NFASC: variants seen among roughly 807,000 people sequenced by gnomAD.
NFASC encodes the protein neurofascin, also known as neurofascin homolog.
Under a neutral mutation model 147.5 loss-of-function variants are expected in NFASC, and 43 were observed. The observed-to-expected ratio is 0.29, with a 90% CI of 0.23 to 0.38. The LOEUF is 0.38. NFASC is among the 10% of genes least tolerant of loss of function. NFASC has a pLI of 1.00. For synonymous variants in NFASC, 622 were observed against 665.5 expected (o/e 0.93, Z 1.01); for missense variants, 1,320 against 1,689.0 (o/e 0.78, Z 3.83).
intron 8 of NFASC, chr1:204,967,708 T>C (rs2095040099): frequency 6.6e-6 from 1 of 152,502 alleles, no homozygotes; most frequent in Non-Finnish European, 1.5e-5. Flanking sequence ...ATGTCTTTGC[T>C]AAGCCATTAA....
At chr1:204,854,389 C>T (rs1454593663) in intron 1 of NFASC, among the ~76,000 whole-genome samples, 1 of 152,150 alleles carries the variant, frequency 6.6e-6, no homozygotes, top group Non-Finnish European at 1.5e-5. Flanking sequence ...TTCCCCCACC[C>T]TCCTGACCTG....
At chr1:205,005,379 G>A (rs763899739) in intron 27 of NFASC, among the ~76,000 whole-genome samples, 1 of 152,082 alleles carries the variant, frequency 6.6e-6, no homozygotes, top group South Asian at 2.1e-4. Flanking sequence ...TGTATTGCCC[G>A]CTTCTGAGTG....
At chr1:204,972,925 CTCACAG>C (rs2095301154) in intron 11 of NFASC, among the ~76,000 whole-genome samples, 1 of 152,210 alleles carries the variant, frequency 6.6e-6, no homozygotes, top group African/African-American at 2.4e-5. Flanking sequence ...GAAACTGAAG[CTCACAG>C]AGATTGAATG....
chr1:204,918,176 C>A (rs953871647), intron 1 of NFASC, among the ~76,000 whole-genome samples: 1 of 152,136 alleles, frequency 6.6e-6, no homozygotes, highest in African/African-American at 2.4e-5. Flanking sequence ...TATTATAGTA[C>A]CATCAATAAT....
At chr1:204,978,882 C>G (rs1017927634) in intron 17 of NFASC, 86 bp from the exon 18 acceptor site, 12 of 1,067,148 alleles carry the variant, frequency 1.1e-5, no homozygotes, top group Non-Finnish European at 8.1e-6. Context: ...GAAGACAGCC[C>G]GTCAGGGAGC....
chr1:204,924,293 C>T (rs2091098044), intron 2 of NFASC, among the ~76,000 whole-genome samples: 1 of 152,206 alleles, frequency 6.6e-6, no homozygotes, highest in Non-Finnish European at 1.5e-5. Context: ...CAGAAGGCTG[C>T]AGGGAGGGAG....
At position 204,987,839 on chromosome 1, in the gene NFASC, G is replaced by A. The variant is rs553720710; in HGVS notation, c.2593+299G>A. ...AGGGATCTTTTGTAGTCTCCAACAC[G>A]TACAGAGTCTAGGAGAGAGAGTTCC... is the stretch of plus-strand genomic sequence containing the variant. On this transcript the variant is annotated intron_variant, in intron 22 of 29. Transcript: ENST00000339876. The surrounding 1 kb of genome is among the most constrained non-coding windows in gnomAD (Gnocchi z 4.4). 9.8e-5 allele frequency among the ~76,000 whole-genome samples: 15 copies of A among 152,316 alleles called. No individual in the cohort carries two copies. Among genetic ancestry groups the A allele is most frequent in the African/African-American group, 2.9e-4 (12 of 41,558 alleles).
At position 204,954,059 on chromosome 1, in the gene NFASC, A is replaced by G. The variant is rs2094296779; in HGVS notation, c.216-129A>G. ...CTCAGCCAGGCTGAGACCTGTTGGT[A>G]TGGGGTGCCACGATGGGACTGAGAG... is the stretch of plus-strand genomic sequence containing the variant. On this transcript the variant is annotated intron_variant, in intron 5 of 29. Transcript: ENST00000339876. This position sits in a 1 kb window ranked among gnomAD's most constrained non-coding sequence, Gnocchi z 5.7. 1.3e-6 allele frequency: 1 copy of G among 747,784 alleles called. No homozygotes were observed. Among genetic ancestry groups the G allele is most frequent in the African/African-American group, 1.7e-5 (1 of 57,300 alleles). 46.3% of individuals were successfully genotyped at this position (747,784 alleles called of 1,614,324 possible). A position where few individuals can be genotyped will look rare whatever the true frequency, so the allele number is the denominator to read the frequency against.
chr1:204,857,497 G>GT (rs1231008800), intron 1 of NFASC, among the ~76,000 whole-genome samples: 4 of 152,178 alleles, frequency 2.6e-5, no homozygotes, highest in African/African-American at 9.7e-5. Flanking sequence ...CAATTGGCTG[G>GT]TTTCTGGGCT....
Position 205,016,274 on chromosome 1 carries a change from C to A in NFASC, c.3492-34C>A. 6.7e-7 allele frequency: 1 copy of A among 1,488,446 alleles called. No homozygotes were observed. The highest frequency in any genetic ancestry group is 9.4e-7 in the Non-Finnish European group (1 of 1,066,026). The allele number at this position is 1,488,446 out of a possible 1,614,324, so 92.2% of individuals were successfully genotyped here. On this transcript the variant is annotated intron_variant, in intron 29 of 29. Transcript: ENST00000339876. The surrounding 1 kb of genome is among the most constrained non-coding windows in gnomAD (Gnocchi z 5.1). The stretch of plus-strand genomic sequence containing the variant: ...GCAGGAGGCCAGCTGCCCCATCTCA[C>A]CCCACCTGAGATTCTCTGTCTCTCT...
chr1:204,934,887 G>A (rs1036522300), intron 2 of NFASC, among the ~76,000 whole-genome samples: 4 of 152,198 alleles, frequency 2.6e-5, no homozygotes, highest in African/African-American at 7.2e-5. Context: ...CACTGTGGAC[G>A]GGAGGAGGAT....
rs1024256414 is a variant in NFASC, at chr1:205,016,811, G to A, written c.*272G>A. The stretch of plus-strand genomic sequence containing the variant: ...GGAGCCTGGCCCCTTGCCCGGTCTC[G>A]CAGCCACCCCGAGCGTTCCACCACA... On this transcript the variant is annotated 3_prime_UTR_variant, in exon 30 of 30. Transcript: ENST00000339876. This position sits in a 1 kb window ranked among gnomAD's most constrained non-coding sequence, Gnocchi z 5.1. 2.8e-5 allele frequency: 15 copies of A among 529,414 alleles called. No individual in the cohort carries two copies. The highest frequency in any genetic ancestry group is 1.1e-4 in the African/African-American group (6 of 52,542). The allele number at this position is 529,414 out of a possible 1,614,324, so 32.8% of individuals were successfully genotyped here. A position where few individuals can be genotyped will look rare whatever the true frequency, so the allele number is the denominator to read the frequency against.
At position 204,988,675 on chromosome 1, in the gene NFASC, C is replaced by G. The variant is rs2095662610; in HGVS notation, c.2636C>G (p.Ser879Cys). ...KVGKQIVENFSPNQTKFTVQR... is the reference protein window; with the variant it reads ...KVGKQIVENFCPNQTKFTVQR... ...GGAAAGCAGATAGTGGAAAACTTCT[C>G]TCCCAATCAGACCAAGTTCACGGTG... Residue 879 changes from serine (S) to cysteine (C), a missense_variant, in exon 23 of 30, where the codon TCT (serine) becomes TGT (cysteine). Ser to Cys is a moderately radical substitution (Grantham distance 112). This residue lies in a region of NFASC where 981 missense variants were observed against 1,289.5 expected (regional missense o/e 0.76). Coordinates refer to ENST00000339876, the MANE Select transcript of NFASC (RefSeq NM_001005388.3). The G allele has an allele frequency of 1.9e-6, 3 of 1,614,228 alleles. No homozygotes were observed. Among genetic ancestry groups the G allele is most frequent in the African/African-American group, 1.3e-5 (1 of 75,060 alleles).
chr1:204,889,787 G>A (rs1422187570), intron 1 of NFASC, among the ~76,000 whole-genome samples: 1 of 152,206 alleles, frequency 6.6e-6, no homozygotes, highest in African/African-American at 2.4e-5. Flanking sequence ...GGTAATTGGT[G>A]AGATTTATCT....
intron 11 of NFASC, among the ~76,000 whole-genome samples, chr1:204,972,770 C>T (rs960373445): frequency 2.0e-5 from 3 of 152,188 alleles, no homozygotes; most frequent in Non-Finnish European, 4.4e-5. Flanking sequence ...TTTCAAAACA[C>T]ACTTAAATAT....
At position 204,979,367 on chromosome 1, in the gene NFASC, G is replaced by A. The variant is rs542265331; in HGVS notation, c.1984G>A (p.Val662Ile). The stretch of plus-strand genomic sequence containing the variant: ...TGTTTTCCTTGCCCACTCAGACTAC[G>A]TCGTCCAGTTTGAAGAAGACCAGTT... ...DANNSPITDYVVQFEEDQFQP... is the reference protein window; with the variant it reads ...DANNSPITDYIVQFEEDQFQP... The change falls in exon 19 of 30, where the codon GTC becomes ATC. Residue 662 changes from valine (V) to isoleucine (I), a missense_variant. By Grantham distance (29) the Val-to-Ile change is conservative. Coordinates refer to ENST00000339876, the MANE Select transcript of NFASC (RefSeq NM_001005388.3). This position sits in a 1 kb window ranked among gnomAD's most constrained non-coding sequence, Gnocchi z 6.0. 290 of 1,613,942 alleles carry A rather than the reference G, an allele frequency of 1.8e-4. 4 individuals carry two copies. The South Asian group carries it at 2.7e-3, about 15-fold the overall frequency.
chr1:204,912,077 A>G (rs1575366), intron 1 of NFASC, among the ~76,000 whole-genome samples: 65,544 of 151,276 alleles, frequency 0.43, 14,538 homozygotes, highest in Admixed American at 0.54. Context: ...TTTCAAAGAA[A>G]CGGCTTGTTG....
In NFASC at chr1:204,991,324, G is replaced by C; in HGVS notation, c.2782+18G>C. The stretch of plus-strand genomic sequence containing the variant: ...AACCGCAGGTACCGTACCAGCCGCG[G>C]AGGTAATGGGCATGGCATGGGGCAG... On this transcript the variant is annotated intron_variant, in intron 24 of 29. Coordinates refer to ENST00000339876, the MANE Select transcript of NFASC (RefSeq NM_001005388.3). 6.2e-7 allele frequency: 1 copy of C among 1,611,460 alleles called. No individual in the cohort carries two copies.
chr1:204,942,146 G>C (rs1558181845), intron 2 of NFASC, among the ~76,000 whole-genome samples: 1 of 152,132 alleles, frequency 6.6e-6, no homozygotes, highest in African/African-American at 2.4e-5. Context: ...ATTTTCATAG[G>C]GGAGATAGAC....
Sources: gnomAD v4.1 joint callset for allele counts (sites outside exome capture counted in the v4.1 genomes callset) on GRCh38, gnomAD v4.1.1 for gene constraint, gnomAD v4.1.1 regional missense constraint, Gnocchi (gnomAD v3.1) non-coding constraint, MANE v1.5 for transcripts, NCBI Gene and HGNC (gene_info 2026-07-23, HGNC 2026-07-21) for gene names.